Variants in MYOCOS observed in about 807,000 individuals in gnomAD.
MYOCOS encodes the protein myocilin opposite strand, also known as myocilin opposite strand protein.
chr1:171,618,843 G>A (rs1055221853), upstream of MYOCOS, among the ~76,000 whole-genome samples: 14 of 152,106 alleles, frequency 9.2e-5, no homozygotes, highest in East Asian at 1.9e-4. Context: ...CTCAAAGTTC[G>A]GAGATTACAG....
chr1:171,603,172 C>T (rs1368072933), intron 1 of MYOCOS, among the ~76,000 whole-genome samples: 4 of 152,226 alleles, frequency 2.6e-5, no homozygotes, highest in Admixed American at 6.5e-5. Flanking sequence ...AAGTTCACTT[C>T]GTGTCTCTCA....
At chr1:171,605,963 C>CTAA (rs1652236954) in intron 1 of MYOCOS, among the ~76,000 whole-genome samples, 2 of 152,146 alleles carry the variant, frequency 1.3e-5, no homozygotes, top group Admixed American at 1.3e-4. Context: ...TTTAACCTTA[C>CTAA]TAATTGTTGT....
upstream of MYOCOS, among the ~76,000 whole-genome samples, chr1:171,618,396 C>A (rs1228952366): frequency 1.3e-5 from 2 of 152,182 alleles, no homozygotes; most frequent in Non-Finnish European, 2.9e-5. Flanking sequence ...CTGAGAATAA[C>A]CGAGTCACAT....
At chr1:171,604,575 TGTAA>T (rs886995172) in intron 1 of MYOCOS, among the ~76,000 whole-genome samples, 12 of 152,202 alleles carry the variant, frequency 7.9e-5, no homozygotes, top group African/African-American at 2.2e-4. Flanking sequence ...CTGGTCATTC[TGTAA>T]GTGACACAAG....
chr1:171,603,604 A>G (rs907420824), intron 1 of MYOCOS, among the ~76,000 whole-genome samples: 7 of 152,342 alleles, frequency 4.6e-5, no homozygotes, highest in Admixed American at 1.3e-4. Context: ...ATTACAACCA[A>G]CAGCAATGAG....
chr1:171,619,382 G>A (rs553957828), upstream of MYOCOS, among the ~76,000 whole-genome samples: 26 of 152,172 alleles, frequency 1.7e-4, no homozygotes, highest in Admixed American at 1.6e-3. Flanking sequence ...ACATCCTAAA[G>A]GATGGCTAGT....
chr1:171,611,119 G>C (rs367898454), intron 1 of MYOCOS, among the ~76,000 whole-genome samples: 1 of 152,290 alleles, frequency 6.6e-6, no homozygotes, highest in African/African-American at 2.4e-5. Flanking sequence ...ATCATTTAGG[G>C]CCACCCTGAG....
chr1:171,609,759 C>T (rs1652322704), intron 1 of MYOCOS, among the ~76,000 whole-genome samples: 1 of 152,124 alleles, frequency 6.6e-6, no homozygotes, highest in African/African-American at 2.4e-5. Context: ...CCTCAGCCTC[C>T]CAAAGTGCTG....
chr1:171,612,834 AAAAAC>A (rs941496720), intron 1 of MYOCOS, among the ~76,000 whole-genome samples: 2 of 152,224 alleles, frequency 1.3e-5, no homozygotes, highest in African/African-American at 4.8e-5. Context: ...CCATCTCAAA[AAAAAC>A]AAAACAAAAC....
intron 1 of MYOCOS, among the ~76,000 whole-genome samples, chr1:171,605,793 C>A (rs935834257): frequency 1.3e-5 from 2 of 152,146 alleles, no homozygotes; most frequent in African/African-American, 4.8e-5. Flanking sequence ...ATCGAACCCC[C>A]ATCTACATGC....
chr1:171,620,958 CG>C (rs1480219966), upstream of MYOCOS, among the ~76,000 whole-genome samples: 1 of 151,742 alleles, frequency 6.6e-6, no homozygotes, highest in African/African-American at 2.4e-5. Flanking sequence ...TTAGTAGAGA[CG>C]GGGTTTCACC....
At chr1:171,615,611 T>C (rs1652432175) in intron 2 of MYOCOS, among the ~76,000 whole-genome samples, 1 of 152,188 alleles carries the variant, frequency 6.6e-6, no homozygotes, top group African/African-American at 2.4e-5. Context: ...CCGATGTTAT[T>C]CATAGATTCT....
chr1:171,617,998 C>G (rs1270756797), upstream of MYOCOS, among the ~76,000 whole-genome samples: 1 of 152,138 alleles, frequency 6.6e-6, no homozygotes, highest in Non-Finnish European at 1.5e-5. Flanking sequence ...GTGGAATTCT[C>G]TTATGATTGC....
At chr1:171,602,480 T>C (rs1558077954) in intron 1 of MYOCOS, among the ~76,000 whole-genome samples, 2 of 152,188 alleles carry the variant, frequency 1.3e-5, no homozygotes, top group Non-Finnish European at 2.9e-5. Flanking sequence ...TGTAAACATA[T>C]TAGCTAAAGT....
At chr1:171,616,342 C>T (rs1187662773) in intron 2 of MYOCOS, among the ~76,000 whole-genome samples, 2 of 152,172 alleles carry the variant, frequency 1.3e-5, no homozygotes, top group Admixed American at 1.3e-4. Flanking sequence ...GAGTTTGAGA[C>T]CAGCCTGGCC....
chr1:171,609,833 G>A (rs930903540), intron 1 of MYOCOS, among the ~76,000 whole-genome samples: 14 of 152,174 alleles, frequency 9.2e-5, no homozygotes, highest in African/African-American at 3.4e-4. Context: ...GTTCCTATGG[G>A]TCAGGAATGC....
chr1:171,602,303 C>T (rs188140462), intron 1 of MYOCOS, among the ~76,000 whole-genome samples: 1 of 151,996 alleles, frequency 6.6e-6, no homozygotes, highest in Admixed American at 6.5e-5. Context: ...CTCCTGAGTA[C>T]TGTTTAAAAA....
At chr1:171,604,848 C>T (rs564673909) in intron 1 of MYOCOS, among the ~76,000 whole-genome samples, 3 of 152,280 alleles carry the variant, frequency 2.0e-5, no homozygotes, top group African/African-American at 7.2e-5. Flanking sequence ...AAGGAAAAGG[C>T]AGCCCCTCCT....
Position 171,608,810 on chromosome 1 carries a change from T to C in MYOCOS, c.-251-5988T>C, listed in dbSNP as rs151026757. 3.3e-3 allele frequency among the ~76,000 whole-genome samples: 500 copies of C among 152,188 alleles called. 2 individuals carry two copies. The highest frequency in any genetic ancestry group is 0.011 in the African/African-American group (476 of 41,510). On this transcript the variant is annotated intron_variant, in intron 1 of 3. Transcript: ENST00000636697. ...GGAATGCATGATCTTGGATGAGGCA[T>C]TCTCTGCCGAGGGCAATTCCCAGAA... is the stretch of plus-strand genomic sequence containing the variant.
Sources: gnomAD v4.1 joint callset for allele counts (sites outside exome capture counted in the v4.1 genomes callset) on GRCh38, gnomAD v4.1.1 for gene constraint, MANE v1.5 for transcripts, NCBI Gene and HGNC (gene_info 2026-07-23, HGNC 2026-07-21) for gene names.